Variants in LRCH3 observed in about 807,000 individuals in gnomAD.
LRCH3 encodes the protein DISP complex protein LRCH3.
In LRCH3, 68 loss-of-function variants were observed where a neutral mutation model predicts 104.5. The ratio of observed to expected loss-of-function variants is 0.65; its 90% CI spans 0.54 to 0.80. LRCH3 has a LOEUF of 0.80. Among genes scored for constraint, LRCH3 ranks in the 30% least tolerant of loss-of-function variants. The pLI is 0.00. For synonymous variants in LRCH3, 344 were observed against 361.3 expected (o/e 0.95, Z 0.54); for missense variants, 951 against 953.9 (o/e 1.00, Z 0.04).
intron 8 of LRCH3, among the ~76,000 whole-genome samples, chr3:197,832,554 CTT>C (rs1334687501): frequency 6.6e-6 from 1 of 152,080 alleles, no homozygotes. Context: ...TGGGAGGAAA[CTT>C]TATTAGAGAC....
At chr3:197,861,221 CCTGAAAAAA>C (rs2109465363) in intron 15 of LRCH3, among the ~76,000 whole-genome samples, 1 of 152,266 alleles carries the variant, frequency 6.6e-6, no homozygotes, top group Non-Finnish European at 1.5e-5. Flanking sequence ...CTGGATGCCT[CCTGAAAAAA>C]CTTCATAATT....
rs1158339886 is a variant in LRCH3 at position 197,852,625 on chromosome 3, G to A, written c.1590+5G>A. On this transcript the variant is annotated splice_donor_5th_base_variant and intron_variant, in intron 13 of 20. Coordinates refer to ENST00000425562, the MANE Select transcript of LRCH3 (RefSeq NM_001365715.1). Reference sequence around the variant, plus strand: ...CTAGATGGCGTAGATGGTGAGGTAAGTTGATGTAATCTCCTTTTCTTTGGA... The same window carrying A: ...CTAGATGGCGTAGATGGTGAGGTAAATTGATGTAATCTCCTTTTCTTTGGA... 1.2e-6 allele frequency: 2 copies of A among 1,613,574 alleles called. No individual in the cohort carries two copies. Among genetic ancestry groups the A allele is most frequent in the Admixed American group, 3.3e-5 (2 of 59,988 alleles).
intron 10 of LRCH3, among the ~76,000 whole-genome samples, chr3:197,845,774 G>A (rs57292521): frequency 2.4e-4 from 37 of 152,056 alleles, no homozygotes; most frequent in Non-Finnish European, 3.1e-4. Flanking sequence ...GTGTGGTGGC[G>A]CATGCCTGTA....
At position 197,825,464 on chromosome 3, in the gene LRCH3, A is replaced by ATTTTTTTTTTTTTTTT. The variant is rs58237989; in HGVS notation, c.641-1396_641-1381dup. On this transcript the variant is annotated intron_variant, in intron 4 of 20. Coordinates refer to ENST00000425562, the MANE Select transcript of LRCH3 (RefSeq NM_001365715.1). ...TAGACCTCTTTGTTGATCCTCTTTGATTTTTTTTTTTTTTTTTTTTTTTTT... is the reference window on the plus strand; with the variant it reads ...TAGACCTCTTTGTTGATCCTCTTTGATTTTTTTTTTTTTTTTTTTTTTTTTTTTTTTTTTTTTTTTT... 1.0e-4 allele frequency among the ~76,000 whole-genome samples: 2 copies of ATTTTTTTTTTTTTTTT among 20,034 alleles called. 1 individual carries two copies. The highest frequency in any genetic ancestry group is 3.7e-4 in the African/African-American group (2 of 5,412). The allele number at this position is 20,034 out of a possible 152,430, so 13.1% of individuals were successfully genotyped here. A position where few individuals can be genotyped will look rare whatever the true frequency, so the allele number is the denominator to read the frequency against.
chr3:197,808,768 G>A (rs1732781948), intron 1 of LRCH3, among the ~76,000 whole-genome samples: 1 of 152,076 alleles, frequency 6.6e-6, no homozygotes, highest in African/African-American at 2.4e-5. Flanking sequence ...GCTGGGCATG[G>A]TGGCACATGC....
At chr3:197,848,235 T>C in intron 12 of LRCH3, 1 of 510,310 alleles carries the variant, frequency 2.0e-6, no homozygotes, top group Admixed American at 3.7e-5. Flanking sequence ...TCATTGGACA[T>C]GTCACTTTAC....
rs1714309462 is a variant in LRCH3, at chr3:197,887,514, C to G, written c.*3848C>G. On this transcript the variant is annotated 3_prime_UTR_variant, in exon 21 of 21. Transcript: ENST00000425562. ...GGGCTGAGAGCCCCCCAGCAGAGCC[C>G]TTCCCATCACTGAACAGTGTTGGCG... is the stretch of plus-strand genomic sequence containing the variant. The G allele has an allele frequency of 1.5e-5, 2 of 137,360 alleles. No individual in the cohort carries two copies. The highest frequency in any genetic ancestry group is 4.0e-4 in the South Asian group (2 of 5,022). 8.5% of individuals were successfully genotyped at this position (137,360 alleles called of 1,614,324 possible).
chr3:197,871,563 G>C lies in LRCH3; in HGVS notation c.2130+101G>C, dbSNP rs1580887352. 1.3e-5 allele frequency: 19 copies of C among 1,482,536 alleles called. No homozygotes were observed. The East Asian group carries it at 4.3e-4, about 34-fold the overall frequency. The allele number at this position is 1,482,536 out of a possible 1,614,324, so 91.8% of individuals were successfully genotyped here. A position where few individuals can be genotyped will look rare whatever the true frequency, so the allele number is the denominator to read the frequency against. Reference sequence around the variant, plus strand: ...CATTGTGCTAGATATTAAGGATACAGATATAAAGAGTCCAGTCTCTACCTT... The same window carrying C: ...CATTGTGCTAGATATTAAGGATACACATATAAAGAGTCCAGTCTCTACCTT... On this transcript the variant is annotated intron_variant, in intron 19 of 20. Coordinates refer to ENST00000425562, the MANE Select transcript of LRCH3 (RefSeq NM_001365715.1).
In LRCH3 at chr3:197,819,316, A is replaced by G. The variant is rs1465010023; in HGVS notation, c.535-1009A>G. Among the ~76,000 whole-genome samples, 5 of 125,810 alleles carry G rather than the reference A, an allele frequency of 4.0e-5. No homozygotes were observed. The Admixed American group carries it at 4.7e-4, about 12-fold the overall frequency. 82.5% of individuals were successfully genotyped at this position (125,810 alleles called of 152,430 possible). A position where few individuals can be genotyped will look rare whatever the true frequency, so the allele number is the denominator to read the frequency against. Reference sequence around the variant, plus strand: ...GCTATTACCTTTTGGCTCAGACTCGATTTTTCTATGCTTTCAACTTTTTTT... The same window carrying G: ...GCTATTACCTTTTGGCTCAGACTCGGTTTTTCTATGCTTTCAACTTTTTTT... On this transcript the variant is annotated intron_variant, in intron 3 of 20. Coordinates refer to ENST00000425562, the MANE Select transcript of LRCH3 (RefSeq NM_001365715.1).
intron 12 of LRCH3, among the ~76,000 whole-genome samples, chr3:197,849,074 GCC>G (rs762514323): frequency 6.6e-6 from 1 of 152,026 alleles, no homozygotes; most frequent in Non-Finnish European, 1.5e-5. Flanking sequence ...GACCAGCCTG[GCC>G]AACATGGCAA....
chr3:197,792,451 C>A (rs1284999804), intron 1 of LRCH3, among the ~76,000 whole-genome samples: 2 of 149,408 alleles, frequency 1.3e-5, no homozygotes, highest in East Asian at 4.0e-4. Context: ...AGTTGTTCAT[C>A]ATCATGTTTG....
chr3:197,794,776 G>A (rs974695651), intron 1 of LRCH3, among the ~76,000 whole-genome samples: 1 of 152,178 alleles, frequency 6.6e-6, no homozygotes, highest in Non-Finnish European at 1.5e-5. Context: ...AGGCCAGGGC[G>A]GGCAGATCAC....
intron 1 of LRCH3, among the ~76,000 whole-genome samples, chr3:197,801,671 T>C (rs931646851): frequency 2.0e-5 from 3 of 152,204 alleles, no homozygotes; most frequent in Non-Finnish European, 4.4e-5. Context: ...AACAATATCA[T>C]CTTTTCTTCT....
intron 9 of LRCH3, 84 bp downstream of exon 9, chr3:197,835,906 G>A (rs1196350085): frequency 7.1e-7 from 1 of 1,408,916 alleles, no homozygotes; most frequent in Non-Finnish European, 9.7e-7. Context: ...TTATATCAGT[G>A]ATTTGTTGAC....
intron 8 of LRCH3, among the ~76,000 whole-genome samples, chr3:197,835,185 A>AT (rs947314618): frequency 6.9e-4 from 103 of 150,360 alleles, no homozygotes; most frequent in Admixed American, 2.3e-3. Context: ...AATTAATTTA[A>AT]TTTTTTTTTT....
chr3:197,818,589 A>T (rs962584177), intron 3 of LRCH3, among the ~76,000 whole-genome samples: 24 of 152,234 alleles, frequency 1.6e-4, no homozygotes, highest in African/African-American at 5.1e-4. Context: ...GCCAGTTAGA[A>T]CTAGGACATA....
intron 3 of LRCH3, among the ~76,000 whole-genome samples, chr3:197,819,264 T>TA (rs1317501007): frequency 6.6e-6 from 1 of 152,182 alleles, no homozygotes; most frequent in African/African-American, 2.4e-5. Flanking sequence ...GTTTTCAACA[T>TA]ACGTATTTTC....
intron 19 of LRCH3, among the ~76,000 whole-genome samples, chr3:197,873,382 T>C (rs887648623): frequency 1.3e-5 from 2 of 152,180 alleles, no homozygotes; most frequent in Non-Finnish European, 2.9e-5. Context: ...GCCACCTTGC[T>C]CTTCCCTTAA....
At chr3:197,878,365 G>A (rs1713143902) in intron 20 of LRCH3, among the ~76,000 whole-genome samples, 1 of 152,126 alleles carries the variant, frequency 6.6e-6, no homozygotes, top group African/African-American at 2.4e-5. Flanking sequence ...CATTTAAGTT[G>A]GTATTTGCAT....
Sources: gnomAD v4.1 joint callset for allele counts (sites outside exome capture counted in the v4.1 genomes callset) on GRCh38, gnomAD v4.1.1 for gene constraint, MANE v1.5 for transcripts, NCBI Gene and HGNC (gene_info 2026-07-23, HGNC 2026-07-21) for gene names.